The following FYN variants were observed in gnomAD, a reference collection of about 807,000 sequenced individuals.
FYN encodes the protein tyrosine-protein kinase Fyn.
Under a neutral mutation model 70.2 loss-of-function variants are expected in FYN, and 10 were observed. That is an observed-to-expected ratio of 0.14 (90% confidence interval 0.09 to 0.24). The LOEUF is 0.24. Among genes scored for constraint, FYN ranks in the 10% least tolerant of loss-of-function variants. FYN has a pLI of 1.00. For missense variants in FYN, 319 were observed against 673.1 expected (o/e 0.47, Z 5.82); for synonymous variants, 236 against 248.6 (o/e 0.95, Z 0.48).
chr6:111,741,945 A>T (rs79368283), intron 3 of FYN, among the ~76,000 whole-genome samples: 311 of 152,334 alleles, frequency 2.0e-3, no homozygotes, highest in African/African-American at 7.2e-3. Flanking sequence ...AGGCTATGCC[A>T]TATTGCCTCT....
chr6:111,670,173 A>G (rs1319702386), intron 13 of FYN, among the ~76,000 whole-genome samples: 4 of 152,330 alleles, frequency 2.6e-5, no homozygotes, highest in African/African-American at 4.8e-5. Context: ...AGTTTCAACC[A>G]TGAGCTAGAA....
At chr6:111,790,896 T>C (rs909002291) in intron 2 of FYN, among the ~76,000 whole-genome samples, 3 of 152,204 alleles carry the variant, frequency 2.0e-5, no homozygotes, top group Admixed American at 6.5e-5. Context: ...CAAAACGTTA[T>C]TGAGAGAAAT....
At chr6:111,709,981 A>G (rs1179434103) in intron 5 of FYN, among the ~76,000 whole-genome samples, 1 of 149,316 alleles carries the variant, frequency 6.7e-6, no homozygotes, top group Non-Finnish European at 1.5e-5. Context: ...TTCTTTAAAC[A>G]CTGTATGTGT....
intron 3 of FYN, among the ~76,000 whole-genome samples, chr6:111,747,388 G>A (rs1354369067): frequency 6.6e-6 from 1 of 152,208 alleles, no homozygotes; most frequent in African/African-American, 2.4e-5. Flanking sequence ...GTCTCACAGT[G>A]TAAAAACTCC....
chr6:111,772,114 C>T (rs995798536), intron 3 of FYN, among the ~76,000 whole-genome samples: 1 of 152,136 alleles, frequency 6.6e-6, no homozygotes, highest in African/African-American at 2.4e-5. Flanking sequence ...AAATGTTCTA[C>T]ACATGAGGAG....
intron 2 of FYN, among the ~76,000 whole-genome samples, chr6:111,812,140 T>C (rs1396533562): frequency 6.6e-6 from 1 of 152,192 alleles, no homozygotes; most frequent in East Asian, 1.9e-4. Context: ...CAGACAGACA[T>C]AGAGCTAAAC....
intron 2 of FYN, among the ~76,000 whole-genome samples, chr6:111,803,559 A>G (rs561336043): frequency 6.6e-6 from 1 of 152,252 alleles, no homozygotes; most frequent in Non-Finnish European, 1.5e-5. Context: ...TGAAGAGTCA[A>G]GTATAAATAC....
At chr6:111,699,001 C>T (rs9372306) in intron 9 of FYN, among the ~76,000 whole-genome samples, 5 of 152,062 alleles carry the variant, frequency 3.3e-5, no homozygotes, top group South Asian at 2.1e-4. Context: ...GAGAATCACT[C>T]GAACCTGGGA....
intron 8 of FYN, among the ~76,000 whole-genome samples, chr6:111,701,519 G>A (rs1172239477): frequency 1.3e-5 from 2 of 152,078 alleles, no homozygotes; most frequent in African/African-American, 2.4e-5. Flanking sequence ...AGAGGGAAGA[G>A]GGAAAGCCAA....
chr6:111,781,318 G>A (rs1186424121), intron 2 of FYN, among the ~76,000 whole-genome samples: 6 of 152,104 alleles, frequency 3.9e-5, no homozygotes, highest in African/African-American at 1.2e-4. Flanking sequence ...ATTTCACAGT[G>A]GTGCTGGGAA....
At chr6:111,750,317 T>A (rs1802427408) in intron 3 of FYN, among the ~76,000 whole-genome samples, 1 of 152,156 alleles carries the variant, frequency 6.6e-6, no homozygotes, top group Non-Finnish European at 1.5e-5. Context: ...GATCTGGTTG[T>A]TTAAAAGTGG....
chr6:111,679,569 T>G (rs1798696331), intron 12 of FYN, among the ~76,000 whole-genome samples: 1 of 152,110 alleles, frequency 6.6e-6, no homozygotes. Flanking sequence ...AGCCCTTCCC[T>G]TTTTGGCTGA....
rs1227681175 is a variant in FYN, at chr6:111,752,403, T to G, written c.-12+28163A>C. ...AATTCTATGCAAGACAATTGTCAGTTGGAAGTTGTAGGGTGCTAACAGGAG... is the reference window on the plus strand; with the variant it reads ...AATTCTATGCAAGACAATTGTCAGTGGGAAGTTGTAGGGTGCTAACAGGAG... On this transcript the variant is annotated intron_variant, in intron 3 of 13. Transcript: ENST00000354650. 2.0e-5 allele frequency among the ~76,000 whole-genome samples: 3 copies of G among 152,202 alleles called. No individual in the cohort carries two copies. The East Asian group carries it at 5.8e-4, about 29-fold the overall frequency.
chr6:111,770,886 C>T (rs1236548463), intron 3 of FYN, among the ~76,000 whole-genome samples: 2 of 152,114 alleles, frequency 1.3e-5, no homozygotes, highest in East Asian at 1.9e-4. Flanking sequence ...GACCCAAATA[C>T]CTCCCAACAC....
At chr6:111,817,209 T>C (rs1220942340) in intron 2 of FYN, among the ~76,000 whole-genome samples, 3 of 152,094 alleles carry the variant, frequency 2.0e-5, no homozygotes, top group Non-Finnish European at 4.4e-5. Flanking sequence ...TTTCTATATA[T>C]TTTTCTGTAT....
At chr6:111,701,977 T>G (rs1799860771) in intron 8 of FYN, among the ~76,000 whole-genome samples, 1 of 152,246 alleles carries the variant, frequency 6.6e-6, no homozygotes. Flanking sequence ...TTTCAATGAT[T>G]GTGCACAGAG....
intron 6 of FYN, among the ~76,000 whole-genome samples, chr6:111,705,875 C>T (rs570722601): frequency 5.4e-4 from 82 of 152,256 alleles, no homozygotes; most frequent in African/African-American, 1.9e-3. Context: ...TCTCAAACTC[C>T]TGGGCTCAAG....
intron 3 of FYN, among the ~76,000 whole-genome samples, chr6:111,725,074 G>C (rs1436954881): frequency 6.6e-6 from 1 of 152,120 alleles, no homozygotes; most frequent in Non-Finnish European, 1.5e-5. Flanking sequence ...AAAAGGATAA[G>C]ATGTGGCAGA....
chr6:111,865,458 A>G lies in FYN; in HGVS notation c.-123+7510T>C, dbSNP rs182428749. Among the ~76,000 whole-genome samples the G allele has an allele frequency of 8.5e-5, 13 of 152,336 alleles. No homozygotes were observed. In the East Asian group the frequency reaches 2.3e-3, roughly 27 times the overall value. On this transcript the variant is annotated intron_variant, in intron 1 of 13. Transcript: ENST00000354650. ...CATTATCTTTTCCTCCCACGTTTTT[A>G]TTAGACCATAAATCCAATTCAATTT... is the stretch of plus-strand genomic sequence containing the variant.
Sources: allele counts gnomAD v4.1 joint callset (sites outside exome capture counted in the v4.1 genomes callset), GRCh38; gene constraint gnomAD v4.1.1; transcripts MANE v1.5; gene names NCBI Gene and HGNC (gene_info 2026-07-23, HGNC 2026-07-21).